ZP4: variants seen among roughly 807,000 people sequenced by gnomAD.
ZP4 encodes the protein zona pellucida glycoprotein 4, also known as zona pellucida sperm-binding protein 4.
Under a neutral mutation model 62.3 loss-of-function variants are expected in ZP4, and 62 were observed. That is an observed-to-expected ratio of 0.99 (90% CI 0.81 to 1.23). The LOEUF is 1.23. Among genes scored for constraint, ZP4 ranks in the 50% most tolerant of loss-of-function variants. The pLI is 0.00. For missense variants in ZP4, 774 were observed against 656.0 expected (o/e 1.18, Z -1.97); for synonymous variants, 289 against 247.3 (o/e 1.17, Z -1.58).
intron 10 of ZP4, among the ~76,000 whole-genome samples, 198 bp downstream of exon 10, chr1:237,884,571 C>G (rs1407543875): frequency 6.6e-6 from 1 of 152,164 alleles, no homozygotes; most frequent in African/African-American, 2.4e-5. Context: ...TTGAGGGTTA[C>G]CCGAACATTT....
chr1:237,882,919 G>T, intron 10 of ZP4, 73 bp from the exon 11 acceptor site: 1 of 1,288,056 alleles, frequency 7.8e-7, no homozygotes, highest in Non-Finnish European at 1.1e-6. Context: ...ATGTTATGGT[G>T]CAAGGCCAAG....
intron 11 of ZP4, 47 bp downstream of exon 11, chr1:237,882,695 T>C (rs2275694): frequency 0.23 from 364,269 of 1,600,100 alleles, 43,329 homozygotes; most frequent in East Asian, 0.41. Flanking sequence ...TTGCTTTGAT[T>C]AGTAATTTAG....
At chr1:237,889,822 C>T in intron 3 of ZP4, 45 bp downstream of exon 3, 1 of 1,532,678 alleles carries the variant, frequency 6.5e-7, no homozygotes, top group South Asian at 1.1e-5. Flanking sequence ...TTTCACACCC[C>T]ACCCCCACCA....
rs1022915802 is a variant in ZP4, at chr1:237,890,039, A to T, written c.297+16T>A. 1 of 1,614,104 alleles carries T rather than the reference A, an allele frequency of 6.2e-7. No individual in the cohort carries two copies. Among genetic ancestry groups the T allele is most frequent in the African/African-American group, 1.3e-5 (1 of 75,024 alleles). ...GGCGCTTCACACAGTCTCCCTGGCC[A>T]TTGGGTCATACTCACCCACTCAGTG... On this transcript the variant is annotated intron_variant, in intron 2 of 11. Coordinates refer to ENST00000366570, the MANE Select transcript of ZP4 (RefSeq NM_021186.5).
chr1:237,884,017 A>ACACACACAC (rs1665026966), intron 10 of ZP4, among the ~76,000 whole-genome samples: 2 of 87,944 alleles, frequency 2.3e-5, no homozygotes, highest in East Asian at 3.8e-4. Context: ...CACACACACA[A>ACACACACAC]ACACACACAC....
chr1:237,884,978 G>T, intron 9 of ZP4, 131 bp from the exon 10 acceptor site: 1 of 1,214,742 alleles, frequency 8.2e-7, no homozygotes, highest in Non-Finnish European at 1.2e-6. Context: ...ATATCACAAT[G>T]GCACTAAGGA....
rs768103202 is a variant in ZP4, at chr1:237,882,512, G to T, written c.1533C>A (p.Gly511=). Residue 511 remains glycine (G), a synonymous_variant, in exon 12 of 12, where the codon GGC becomes GGA. Transcript: ENST00000366570. ...PVDSKVLWVA[G]LSGTLILGAL... ...CTCCAAGGATTAAGGTCCCAGAAAG[G>T]CCTGCCACCCACAGAACTTTCGAGT... 1.9e-6 allele frequency: 3 copies of T among 1,606,926 alleles called. No homozygotes were observed. Among genetic ancestry groups the T allele is most frequent in the African/African-American group, 2.7e-5 (2 of 74,244 alleles).
rs1571936032 is a variant in ZP4 at position 237,889,867 on chromosome 1, C to T, written c.400G>A (p.Ala134Thr). 1 of 1,613,240 alleles carries T rather than the reference C, an allele frequency of 6.2e-7. No homozygotes were observed. The highest frequency in any genetic ancestry group is 8.5e-7 in the Non-Finnish European group (1 of 1,179,414). ...GACCCTGAGAGCTTCCAGCCTTTAC[C>T]TAGAAGATCCATAGGACACTTGAGC... ...KLLKCPMDLL[A>T]RDAPDTDWCD... Residue 134 changes from alanine to threonine, a missense_variant and splice_region_variant, in exon 3 of 12, where the codon GCC becomes ACC. Coordinates refer to ENST00000366570, the MANE Select transcript of ZP4 (RefSeq NM_021186.5).
chr1:237,885,815 G>A lies in ZP4; in HGVS notation c.911C>T (p.Pro304Leu). Reference protein sequence around the residue: ...LPINVQVFTLPPPFPETQPGP... With the variant: ...LPINVQVFTLLPPFPETQPGP... ...AGGCTGGGTCTCAGGAAAGGGTGGTGGGAGAGTGAAAACCTGGACATTGAT... is the reference window on the plus strand; with the variant it reads ...AGGCTGGGTCTCAGGAAAGGGTGGTAGGAGAGTGAAAACCTGGACATTGAT... Residue 304 changes from proline (P) to leucine (L), a missense_variant, in exon 7 of 12, where the codon CCA becomes CTA. Coordinates refer to ENST00000366570, the MANE Select transcript of ZP4 (RefSeq NM_021186.5). 9.3e-6 allele frequency: 15 copies of A among 1,614,162 alleles called. No homozygotes were observed. The highest frequency in any genetic ancestry group is 1.3e-5 in the Non-Finnish European group (15 of 1,180,038).
In ZP4 at chr1:237,885,154, G is replaced by C; in HGVS notation, c.1311+11C>G. ...GAGCCCTGGTGAGTGTCATGGAAGG[G>C]AACATCCTACCGGTCCCCTGAGGGC... On this transcript the variant is annotated intron_variant, in intron 9 of 11. Transcript: ENST00000366570. The C allele has an allele frequency of 1.2e-6, 2 of 1,611,888 alleles. No individual in the cohort carries two copies. The highest frequency in any genetic ancestry group is 8.5e-7 in the Non-Finnish European group (1 of 1,179,000).
intron 4 of ZP4, 32 bp from the exon 5 acceptor site, chr1:237,887,593 C>G: frequency 6.3e-7 from 1 of 1,598,692 alleles, no homozygotes; most frequent in Non-Finnish European, 8.5e-7. Context: ...GAAGGCAGGT[C>G]ATCTCTCCCA....
rs1171687305 is a variant in ZP4, at chr1:237,882,920, C to A, written c.1391-74G>T. Reference sequence around the variant, plus strand: ...GGCAGGGATAGAAAATGTTATGGTGCAAGGCCAAGTGTCTCTATAAAGCTT... The same window carrying A: ...GGCAGGGATAGAAAATGTTATGGTGAAAGGCCAAGTGTCTCTATAAAGCTT... On this transcript the variant is annotated intron_variant, in intron 10 of 11. Transcript: ENST00000366570. 7.8e-6 allele frequency: 10 copies of A among 1,289,676 alleles called. No homozygotes were observed. In the East Asian group the frequency reaches 1.9e-4, roughly 24 times the overall value. 79.9% of individuals were successfully genotyped at this position (1,289,676 alleles called of 1,614,324 possible).
rs772803865 is a variant in ZP4, at chr1:237,888,461, G to C, written c.450C>G (p.Asp150Glu). 2 of 1,612,084 alleles carry C rather than the reference G, an allele frequency of 1.2e-6. No homozygotes were observed. Among genetic ancestry groups the C allele is most frequent in the Non-Finnish European group, 1.7e-6 (2 of 1,178,682 alleles). The stretch of plus-strand genomic sequence containing the variant: ...TGGGTGAAGGTGCACATGGCAGTCT[G>C]TCCCGTGCTGGGATGGAGTCACACC... ...TDWCDSIPARDRLPCAPSPIS... is the reference protein window; with the variant it reads ...TDWCDSIPARERLPCAPSPIS... The change falls in exon 4 of 12, where the codon GAC (aspartate) becomes GAG (glutamate). Residue 150 changes from aspartate (D) to glutamate (E), a missense_variant. Transcript: ENST00000366570.
At chr1:237,882,922 A>T in intron 10 of ZP4, 76 bp from the exon 11 acceptor site, 1 of 1,245,330 alleles carries the variant, frequency 8.0e-7, no homozygotes, top group Non-Finnish European at 1.1e-6. Context: ...TTATGGTGCA[A>T]GGCCAAGTGT....
Position 237,882,507 on chromosome 1 carries a change from G to A in ZP4, c.1538C>T (p.Ser513Phe). The change falls in exon 12 of 12, where the codon TCT becomes TTT. Residue 513 changes from serine to phenylalanine, a missense_variant. Transcript: ENST00000366570. ...CAAGGCTCCAAGGATTAAGGTCCCA[G>A]AAAGGCCTGCCACCCACAGAACTTT... is the stretch of plus-strand genomic sequence containing the variant. ...DSKVLWVAGLSGTLILGALLV... is the reference protein window; with the variant it reads ...DSKVLWVAGLFGTLILGALLV... 6.2e-7 allele frequency: 1 copy of A among 1,608,016 alleles called. No individual in the cohort carries two copies. The highest frequency in any genetic ancestry group is 1.1e-5 in the South Asian group (1 of 90,276).
At chr1:237,887,599 T>TCCC in intron 4 of ZP4, 38 bp from the exon 5 acceptor site, 1 of 1,590,160 alleles carries the variant, frequency 6.3e-7, no homozygotes, top group Non-Finnish European at 8.6e-7. Flanking sequence ...AGGTCATCTC[T>TCCC]CCCATTGTGG....
At position 237,890,172 on chromosome 1, in the gene ZP4, G is replaced by A. The variant is rs777239265; in HGVS notation, c.180C>T (p.Asn60=). The change falls in exon 2 of 12, where the codon AAC becomes AAT. Residue 60 remains asparagine, a synonymous_variant. Coordinates refer to ENST00000366570, the MANE Select transcript of ZP4 (RefSeq NM_021186.5). ...TSPPVLIAWD[N]QGLLHELQND... ...TCTGCAGCTCGTGCAGCAGCCCTTG[G>A]TTGTCTGGAGGGGTGGGGAAGAGGT... 6.2e-7 allele frequency: 1 copy of A among 1,613,912 alleles called. No homozygotes were observed. Among genetic ancestry groups the A allele is most frequent in the South Asian group, 1.1e-5 (1 of 91,078 alleles).
intron 4 of ZP4, 40 bp from the exon 5 acceptor site, chr1:237,887,601 C>A: frequency 6.3e-7 from 1 of 1,589,610 alleles, no homozygotes; most frequent in African/African-American, 1.3e-5. Flanking sequence ...GTCATCTCTC[C>A]CATTGTGGGG....
intron 6 of ZP4, 34 bp downstream of exon 6, chr1:237,886,737 G>T (rs1351409787): frequency 1.3e-6 from 2 of 1,568,208 alleles, no homozygotes; most frequent in East Asian, 4.5e-5. Flanking sequence ...CCCACCTTAT[G>T]GCAGATGGGA....
Sources: gnomAD v4.1 joint callset for allele counts (sites outside exome capture counted in the v4.1 genomes callset) on GRCh38, gnomAD v4.1.1 for gene constraint, MANE v1.5 for transcripts, NCBI Gene and HGNC (gene_info 2026-07-23, HGNC 2026-07-21) for gene names.